ABCA13: variants seen among roughly 807,000 people sequenced by gnomAD.
ABCA13 encodes ATP-binding cassette sub-family A member 13.
Under a neutral mutation model 478.7 loss-of-function variants are expected in ABCA13, and 476 were observed. The ratio of observed to expected loss-of-function variants is 0.99; its 90% CI spans 0.92 to 1.07. The LOEUF (loss-of-function observed/expected upper bound fraction) is 1.07, where lower values mean the gene tolerates loss of function less well. Ranked by LOEUF, ABCA13 falls within the 50% of genes least tolerant of loss-of-function variation. The pLI is 0.00. For missense variants in ABCA13, 6,060 were observed against 5,910.6 expected (o/e 1.03, Z -0.83); for synonymous variants, 2,252 against 2,158.9 (o/e 1.04, Z -1.20).
Position 48,314,365 on chromosome 7 carries a change from T to G in ABCA13, c.9815T>G (p.Leu3272Arg), listed in dbSNP as rs369669637. Reference protein sequence around the residue: ...MFINLPRVKELLEDDKEKFNI... With the variant: ...MFINLPRVKERLEDDKEKFNI... Reference sequence around the variant, plus strand: ...ATTAATTTGCCCAGAGTTAAGGAACTCTTGGAAGATGACAAAGAAAAATTC... The same window carrying G: ...ATTAATTTGCCCAGAGTTAAGGAACGCTTGGAAGATGACAAAGAAAAATTC... The change falls in exon 26 of 62, where the codon CTC (leucine) becomes CGC (arginine). Residue 3272 changes from leucine (L) to arginine (R), a missense_variant. Around this residue, in one of 3 missense-constraint regions of ABCA13, gnomAD observed 4,423 missense variants for 4,309.1 expected, o/e 1.03. Coordinates refer to ENST00000435803, the MANE Select transcript of ABCA13 (RefSeq NM_152701.5). The G allele has an allele frequency of 1.0e-4, 162 of 1,607,176 alleles. No homozygotes were observed. Among genetic ancestry groups the G allele is most frequent in the Non-Finnish European group, 1.3e-4 (155 of 1,176,174 alleles).
At chr7:48,328,895 G>A (rs774165344) in intron 27 of ABCA13, among the ~76,000 whole-genome samples, 2 of 152,138 alleles carry the variant, frequency 1.3e-5, no homozygotes, top group Non-Finnish European at 2.9e-5. Context: ...TTGTTTGGAG[G>A]TATTAGGAGA....
At chr7:48,244,430 G>C in intron 10 of ABCA13, 146 bp from the exon 11 acceptor site, 1 of 956,646 alleles carries the variant, frequency 1.0e-6, no homozygotes, top group Non-Finnish European at 1.5e-6. Flanking sequence ...TCAAGAACCT[G>C]GTTGTGTGAT....
rs1795404451 is a variant in ABCA13, at chr7:48,645,824, G to C, written c.*312G>C. On this transcript the variant is annotated 3_prime_UTR_variant, in exon 62 of 62. Coordinates refer to ENST00000435803, the MANE Select transcript of ABCA13 (RefSeq NM_152701.5). ...AGTGTCCAAACTGAGACATTCTGGA[G>C]CTGGAAAGCCTGTCACACTAGAGTG... is the stretch of plus-strand genomic sequence containing the variant. 1 of 301,154 alleles carries C rather than the reference G, an allele frequency of 3.3e-6. No homozygotes were observed. Among genetic ancestry groups the C allele is most frequent in the African/African-American group, 2.3e-5 (1 of 43,776 alleles). The allele number at this position is 301,154 out of a possible 1,614,324, so 18.7% of individuals were successfully genotyped here. A position where few individuals can be genotyped will look rare whatever the true frequency, so the allele number is the denominator to read the frequency against.
chr7:48,329,125 G>A (rs759940792), intron 27 of ABCA13, among the ~76,000 whole-genome samples: 13 of 152,166 alleles, frequency 8.5e-5, no homozygotes, highest in Non-Finnish European at 1.8e-4. Context: ...AGAATTTCAG[G>A]CAAAGAAAGA....
rs71991953 is a variant in ABCA13, at chr7:48,318,510, G to GTT, written c.9999+1228_9999+1229dup. On this transcript the variant is annotated intron_variant, in intron 27 of 61. Coordinates refer to ENST00000435803, the MANE Select transcript of ABCA13 (RefSeq NM_152701.5). ...GCCCCCACGCCCTGCTAACTTTTTA[G>GTT]TTTTTTTTTTTTTTTGTAGAGGCAT... Among the ~76,000 whole-genome samples the GTT allele has an allele frequency of 7.7e-4, 103 of 133,862 alleles. 1 individual carries two copies. The highest frequency in any genetic ancestry group is 5.5e-3 in the East Asian group (25 of 4,568). 87.8% of individuals were successfully genotyped at this position (133,862 alleles called of 152,430 possible).
intron 29 of ABCA13, among the ~76,000 whole-genome samples, chr7:48,343,222 A>T (rs1025314132): frequency 6.6e-6 from 1 of 152,070 alleles, no homozygotes; most frequent in African/African-American, 2.4e-5. Context: ...ATAGTGCTAT[A>T]TTCCTCTAGA....
chr7:48,499,316 A>G (rs997783906), intron 48 of ABCA13, among the ~76,000 whole-genome samples: 1 of 152,228 alleles, frequency 6.6e-6, no homozygotes, highest in Middle Eastern at 3.2e-3. Flanking sequence ...TGAATTAATT[A>G]AAACAACGTA....
At chr7:48,640,172 A>G (rs1795002171) in intron 59 of ABCA13, among the ~76,000 whole-genome samples, 1 of 152,162 alleles carries the variant, frequency 6.6e-6, no homozygotes, top group East Asian at 1.9e-4. Flanking sequence ...GAGATTTTTA[A>G]TAGTTGAGGC....
In ABCA13 at chr7:48,407,551, A is replaced by T. The variant is rs1322090890; in HGVS notation, c.12071-2969A>T. Among the ~76,000 whole-genome samples, 3 of 152,024 alleles carry T rather than the reference A, an allele frequency of 2.0e-5. No homozygotes were observed. The East Asian group carries it at 5.8e-4, about 29-fold the overall frequency. On this transcript the variant is annotated intron_variant, in intron 39 of 61. Transcript: ENST00000435803. Reference sequence around the variant, plus strand: ...AATAAAAATAATACAAATAAAAATAATAGAGTATAACAACTTTTTTTTTGA... The same window carrying T: ...AATAAAAATAATACAAATAAAAATATTAGAGTATAACAACTTTTTTTTTGA...
intron 2 of ABCA13, among the ~76,000 whole-genome samples, chr7:48,196,783 G>T (rs936170409): frequency 6.6e-6 from 1 of 152,112 alleles, no homozygotes; most frequent in Non-Finnish European, 1.5e-5. Flanking sequence ...CAGAAGTCAC[G>T]TCAAGGAAAT....
intron 43 of ABCA13, among the ~76,000 whole-genome samples, chr7:48,456,397 A>G (rs1825678924): frequency 6.6e-6 from 1 of 152,238 alleles, no homozygotes; most frequent in African/African-American, 2.4e-5. Context: ...CTCCTCAACT[A>G]TAAAAGGGCT....
At chr7:48,526,043 G>T (rs1033012708) in intron 54 of ABCA13, among the ~76,000 whole-genome samples, 1 of 152,076 alleles carries the variant, frequency 6.6e-6, no homozygotes, top group African/African-American at 2.4e-5. Context: ...TCTCTGGAAT[G>T]CAGGTCTGTC....
chr7:48,202,333 C>G (rs980260882), intron 3 of ABCA13, among the ~76,000 whole-genome samples: 1 of 152,150 alleles, frequency 6.6e-6, no homozygotes, highest in African/African-American at 2.4e-5. Context: ...ACGTCCCCAT[C>G]AGATTAGTTA....
chr7:48,585,963 C>T (rs960662774), intron 56 of ABCA13, among the ~76,000 whole-genome samples: 1 of 152,068 alleles, frequency 6.6e-6, no homozygotes, highest in Non-Finnish European at 1.5e-5. Context: ...TAGTGTGGTA[C>T]AAATTACAGT....
intron 44 of ABCA13, among the ~76,000 whole-genome samples, chr7:48,468,600 G>A (rs1009076205): frequency 2.0e-5 from 3 of 152,114 alleles, no homozygotes; most frequent in Non-Finnish European, 2.9e-5. Context: ...TCAAATCAGA[G>A]CAAAAAGTTT....
chr7:48,604,856 G>T (rs1479813527), intron 58 of ABCA13, among the ~76,000 whole-genome samples: 1 of 152,142 alleles, frequency 6.6e-6, no homozygotes, highest in African/African-American at 2.4e-5. Context: ...TATTGTGTGG[G>T]AGTATAAATC....
intron 29 of ABCA13, among the ~76,000 whole-genome samples, chr7:48,340,937 T>C (rs1309629611): frequency 6.6e-6 from 1 of 152,228 alleles, no homozygotes; most frequent in Non-Finnish European, 1.5e-5. Flanking sequence ...TATTTCTAAC[T>C]GATACACCTA....
chr7:48,549,413 G>A (rs1785112618), intron 55 of ABCA13, among the ~76,000 whole-genome samples: 1 of 151,814 alleles, frequency 6.6e-6, no homozygotes. Context: ...TTTTATGGCT[G>A]CATAGTATTC....
intron 59 of ABCA13, among the ~76,000 whole-genome samples, chr7:48,618,031 A>G (rs1294646481): frequency 1.3e-5 from 2 of 152,126 alleles, no homozygotes; most frequent in Non-Finnish European, 2.9e-5. Flanking sequence ...GCCCTCAGAG[A>G]AATGGGGCCT....
Sources: allele counts gnomAD v4.1 joint callset (sites outside exome capture counted in the v4.1 genomes callset), GRCh38; gene constraint gnomAD v4.1.1; regional missense constraint gnomAD v4.1.1; transcripts MANE v1.5; gene names NCBI Gene and HGNC (gene_info 2026-07-23, HGNC 2026-07-21).